Variants in ULK4 observed in about 807,000 individuals in gnomAD.
ULK4 encodes unc-51 like kinase 4, also known as inactive serine/threonine-protein kinase ULK4.
A neutral mutation model predicts 160.6 loss-of-function variants in ULK4; 133 were observed. The observed-to-expected ratio is 0.83, with a 90% CI of 0.72 to 0.96. ULK4 has a LOEUF of 0.96. Ranked by LOEUF, ULK4 falls within the 40% of genes least tolerant of loss-of-function variation. The pLI is 0.00. For synonymous variants in ULK4, 534 were observed against 539.8 expected (o/e 0.99, Z 0.15); for missense variants, 1,580 against 1,499.5 (o/e 1.05, Z -0.89).
At chr3:41,691,839 G>A (rs529749235) in intron 27 of ULK4, among the ~76,000 whole-genome samples, 201 of 150,640 alleles carry the variant, frequency 1.3e-3, no homozygotes, top group African/African-American at 4.6e-3. Context: ...AAAATTGTAC[G>A]CTTTAATGAC....
rs530348936 is a variant in ULK4 at position 41,930,020 on chromosome 3, G to A, written c.541+1824C>T. On this transcript the variant is annotated intron_variant, in intron 5 of 36. Transcript: ENST00000301831. ...TTCATATGGAACCAAAAAAGAGCCC[G>A]CATAGCCAAGACTATCCTAAGCAAA... is the stretch of plus-strand genomic sequence containing the variant. 2.8e-4 allele frequency among the ~76,000 whole-genome samples: 43 copies of A among 152,132 alleles called. No individual in the cohort carries two copies. The South Asian group carries it at 4.6e-3, about 16-fold the overall frequency.
At chr3:41,274,541 C>T (rs1362655940) in intron 35 of ULK4, among the ~76,000 whole-genome samples, 1 of 152,184 alleles carries the variant, frequency 6.6e-6, no homozygotes, top group African/African-American at 2.4e-5. Context: ...TGAAAAAGGT[C>T]TAGGGACAGA....
At chr3:41,937,303 T>C in intron 3 of ULK4, 1 of 691,142 alleles carries the variant, frequency 1.4e-6, no homozygotes, top group South Asian at 1.5e-5. Flanking sequence ...ACCTTGTCCA[T>C]GTGTACATCC....
chr3:41,255,660 T>G (rs993834852), intron 35 of ULK4, among the ~76,000 whole-genome samples: 1 of 152,152 alleles, frequency 6.6e-6, no homozygotes, highest in African/African-American at 2.4e-5. Flanking sequence ...GAAAATAAAT[T>G]GGCCAGGAAG....
intron 35 of ULK4, among the ~76,000 whole-genome samples, chr3:41,277,228 G>A (rs1484192763): frequency 6.6e-6 from 1 of 152,116 alleles, no homozygotes; most frequent in African/African-American, 2.4e-5. Flanking sequence ...ACAAAAGAAG[G>A]AACCCTCCCT....
intron 4 of ULK4, among the ~76,000 whole-genome samples, chr3:41,933,011 T>C (rs1368017520): frequency 6.6e-6 from 1 of 152,176 alleles, no homozygotes; most frequent in Non-Finnish European, 1.5e-5. Flanking sequence ...GCCACCGCAC[T>C]CCAGCCTGCA....
At chr3:41,678,637 A>C (rs1229692725) in intron 29 of ULK4, among the ~76,000 whole-genome samples, 4 of 152,344 alleles carry the variant, frequency 2.6e-5, no homozygotes, top group Middle Eastern at 6.8e-3. Flanking sequence ...CTATTTTATA[A>C]GTTAATTTGA....
At chr3:41,772,829 C>G (rs1023125885) in intron 21 of ULK4, among the ~76,000 whole-genome samples, 7 of 152,144 alleles carry the variant, frequency 4.6e-5, no homozygotes, top group African/African-American at 1.7e-4. Context: ...CAATAAAATA[C>G]TGACAAACCA....
intron 17 of ULK4, among the ~76,000 whole-genome samples, chr3:41,851,274 T>A (rs1467942589): frequency 3.3e-5 from 5 of 151,934 alleles, no homozygotes; most frequent in African/African-American, 4.8e-5. Flanking sequence ...TTATTGAGAG[T>A]TTTTAGCATG....
intron 34 of ULK4, among the ~76,000 whole-genome samples, chr3:41,404,024 G>T (rs2082240599): frequency 1.3e-5 from 2 of 152,058 alleles, no homozygotes; most frequent in Admixed American, 1.3e-4. Flanking sequence ...TATTAGTGGT[G>T]AGTGTTCCAT....
At chr3:41,800,033 CCTAT>C (rs1161863785) in intron 20 of ULK4, 95 bp downstream of exon 20, 17 of 1,156,528 alleles carry the variant, frequency 1.5e-5, no homozygotes, top group East Asian at 1.2e-4. Context: ...ATTTCAGTTT[CCTAT>C]CTATTAAATT....
At chr3:41,315,969 G>A (rs2080136040) in intron 35 of ULK4, among the ~76,000 whole-genome samples, 1 of 152,160 alleles carries the variant, frequency 6.6e-6, no homozygotes, top group Non-Finnish European at 1.5e-5. Flanking sequence ...AGCTACTTTA[G>A]AAAAGAGTCT....
intron 16 of ULK4, among the ~76,000 whole-genome samples, chr3:41,892,804 C>T (rs1312458850): frequency 6.6e-6 from 1 of 152,216 alleles, no homozygotes; most frequent in East Asian, 1.9e-4. Flanking sequence ...AATTGCCTAA[C>T]CAACTACCTG....
At chr3:41,367,211 T>G (rs570969060) in intron 35 of ULK4, among the ~76,000 whole-genome samples, 7 of 152,344 alleles carry the variant, frequency 4.6e-5, no homozygotes, top group African/African-American at 1.7e-4. Context: ...TGAAGGTCTA[T>G]GAGTACTGGC....
At chr3:41,589,129 A>G (rs1435011322) in intron 31 of ULK4, among the ~76,000 whole-genome samples, 1 of 152,010 alleles carries the variant, frequency 6.6e-6, no homozygotes, top group African/African-American at 2.4e-5. Context: ...TAAAAAAAAA[A>G]ATAACTTAGC....
intron 17 of ULK4, among the ~76,000 whole-genome samples, chr3:41,860,524 A>C (rs180760447): frequency 6.6e-6 from 1 of 152,154 alleles, no homozygotes; most frequent in Admixed American, 6.5e-5. Flanking sequence ...TATTGTATGT[A>C]ATGTAAATAT....
At chr3:41,608,374 C>G (rs2032489785) in intron 31 of ULK4, among the ~76,000 whole-genome samples, 1 of 152,158 alleles carries the variant, frequency 6.6e-6, no homozygotes, top group African/African-American at 2.4e-5. Flanking sequence ...AAACTAGTAA[C>G]TCTTTGCTGA....
At chr3:41,666,373 G>A (rs1303710187) in intron 29 of ULK4, among the ~76,000 whole-genome samples, 1 of 152,204 alleles carries the variant, frequency 6.6e-6, no homozygotes, top group South Asian at 2.1e-4. Flanking sequence ...TATCTCCCAG[G>A]TGGCAGTCAA....
chr3:41,456,168 C>T (rs2083547965), intron 33 of ULK4, among the ~76,000 whole-genome samples: 1 of 152,180 alleles, frequency 6.6e-6, no homozygotes, highest in African/African-American at 2.4e-5. Flanking sequence ...TCACAGACTC[C>T]CAAAATGCTG....
Sources: gnomAD v4.1 joint callset for allele counts (sites outside exome capture counted in the v4.1 genomes callset) on GRCh38, gnomAD v4.1.1 for gene constraint, MANE v1.5 for transcripts, NCBI Gene and HGNC (gene_info 2026-07-23, HGNC 2026-07-21) for gene names.